Variants in RTL4 observed in about 807,000 individuals in gnomAD.
RTL4 encodes the protein retrotransposon Gag like 4.
RTL4 carries 4 observed loss-of-function variants against 5.3 expected under a neutral mutation model. The ratio of observed to expected loss-of-function variants is 0.75; its 90% CI spans 0.37 to 1.72. The LOEUF is 1.72. Among genes scored for constraint, RTL4 ranks in the 40% most tolerant of loss-of-function variants. The probability of loss-of-function intolerance (pLI) is 0.04; values close to 1 mark genes in which losing one functional copy is unlikely to be tolerated. For missense variants in RTL4, 260 were observed against 227.1 expected, an observed-to-expected ratio of 1.14 and a Z score of -0.93; for synonymous variants, 98 against 87.3, an observed-to-expected ratio of 1.12 and a Z score of -0.68.
the RTL4 span, among the ~76,000 whole-genome samples, chrX:112,345,478 A>G: frequency 3.6e-5 from 4 of 110,605 alleles, no homozygotes; most frequent in African/African-American, 1.3e-4. Context: ...TGTGTTTTCC[A>G]ACAATTTGTT....
chrX:112,093,546 C>G, the RTL4 span, among the ~76,000 whole-genome samples: 2 of 111,744 alleles, frequency 1.8e-5, no homozygotes, highest in African/African-American at 6.5e-5. Flanking sequence ...TTGGATACCT[C>G]TTGTGTGCCA....
At chrX:112,329,198 CA>C in the RTL4 span, among the ~76,000 whole-genome samples, 1 of 110,952 alleles carries the variant, frequency 9.0e-6, no homozygotes, top group Non-Finnish European at 1.9e-5. Flanking sequence ...AAAAAACCTT[CA>C]AAAAACTAAT....
the RTL4 span, among the ~76,000 whole-genome samples, chrX:112,117,334 A>C: frequency 1.8e-5 from 2 of 108,728 alleles, no homozygotes; most frequent in Non-Finnish European, 3.8e-5. Context: ...ATGTCAACTA[A>C]TAGATTTGAC....
At chrX:112,368,967 T>C in the RTL4 span, among the ~76,000 whole-genome samples, 2 of 112,979 alleles carry the variant, frequency 1.8e-5, no homozygotes, top group African/African-American at 3.2e-5. Flanking sequence ...CTACAAGTAC[T>C]TGCAGTATGT....
chrX:112,303,708 G>A, the RTL4 span, among the ~76,000 whole-genome samples: 1 of 99,294 alleles, frequency 1.0e-5, no homozygotes, highest in South Asian at 4.8e-4. Context: ...GTATACATAT[G>A]TAACTAACCT....
the RTL4 span, among the ~76,000 whole-genome samples, chrX:112,112,359 T>C: frequency 8.9e-6 from 1 of 111,977 alleles, no homozygotes; most frequent in Non-Finnish European, 1.9e-5. Flanking sequence ...ATTTGCCCTC[T>C]GGGTCTCCTT....
At chrX:112,330,375 G>C in the RTL4 span, among the ~76,000 whole-genome samples, 7 of 86,031 alleles carry the variant, frequency 8.1e-5, no homozygotes, top group African/African-American at 4.2e-4. Context: ...AACAGACAGA[G>C]AGCCAAATCA....
At chrX:112,335,529 A>C in the RTL4 span, among the ~76,000 whole-genome samples, 1 of 111,139 alleles carries the variant, frequency 9.0e-6, no homozygotes. Context: ...TTTTTCTCCT[A>C]TCGTGATGAT....
chrX:112,088,638 G>T, the RTL4 span, among the ~76,000 whole-genome samples: 3 of 111,958 alleles, frequency 2.7e-5, no homozygotes, highest in Non-Finnish European at 5.6e-5. Context: ...CCACCAAATT[G>T]TTTTCCATAG....
the RTL4 span, among the ~76,000 whole-genome samples, chrX:112,442,604 A>G: frequency 9.0e-6 from 1 of 110,734 alleles, no homozygotes; most frequent in African/African-American, 3.3e-5. Flanking sequence ...TATACCACCA[A>G]TAAAATAGGA....
the RTL4 span, among the ~76,000 whole-genome samples, chrX:112,273,387 G>A: frequency 9.1e-6 from 1 of 109,788 alleles, no homozygotes; most frequent in East Asian, 2.9e-4. Context: ...CCGAGTAGCT[G>A]GGACTACAGG....
the RTL4 span, among the ~76,000 whole-genome samples, chrX:112,150,454 C>T: frequency 6.4e-4 from 72 of 111,986 alleles, 2 homozygotes; most frequent in Non-Finnish European, 7.5e-5. Context: ...TGAGGTCCCA[C>T]TTTCCTTTCT....
chrX:112,395,605 G>C, the RTL4 span, among the ~76,000 whole-genome samples: 1 of 111,565 alleles, frequency 9.0e-6, no homozygotes, highest in Non-Finnish European at 1.9e-5. Context: ...ATCTTAGTTA[G>C]AAGAGTCCTG....
At chrX:112,164,409 A>G in the RTL4 span, among the ~76,000 whole-genome samples, 1 of 112,003 alleles carries the variant, frequency 8.9e-6, no homozygotes. Flanking sequence ...GAGGAAAACC[A>G]CTTTTATTTT....
the RTL4 span, among the ~76,000 whole-genome samples, chrX:112,147,874 C>T: frequency 1.8e-5 from 2 of 111,679 alleles, no homozygotes; most frequent in African/African-American, 6.5e-5. Context: ...TTTAGGAAAA[C>T]CTGTCTTTAT....
At chrX:112,328,478 C>G in the RTL4 span, among the ~76,000 whole-genome samples, 1 of 111,474 alleles carries the variant, frequency 9.0e-6, no homozygotes, top group Non-Finnish European at 1.9e-5. Context: ...TATATATGCA[C>G]CCAATACAGG....
chrX:112,279,833 G>A, the RTL4 span, among the ~76,000 whole-genome samples: 44 of 111,547 alleles, frequency 3.9e-4, no homozygotes, highest in Non-Finnish European at 2.6e-4. Flanking sequence ...TTTGACAACT[G>A]GAGAAAGTTT....
the RTL4 span, among the ~76,000 whole-genome samples, chrX:112,327,025 C>A: frequency 6.3e-5 from 7 of 111,857 alleles, no homozygotes; most frequent in South Asian, 1.9e-3. Flanking sequence ...TCATCAAAGA[C>A]CAAAAGTAGA....
chrX:112,454,760 T>C (rs760981511), exon 1 of RTL4: 10 of 1,195,792 alleles, frequency 8.4e-6, no homozygotes, highest in Non-Finnish European at 1.1e-5. Context: ...TCATCTACCA[T>C]GCAGGTAGAG....
Sources: gnomAD v4.1 joint callset for allele counts (sites outside exome capture counted in the v4.1 genomes callset) on GRCh38, gnomAD v4.1.1 for gene constraint, MANE v1.5 for transcripts, NCBI Gene and HGNC (gene_info 2026-07-23, HGNC 2026-07-21) for gene names.